The following CADM1 variants were observed in gnomAD, a reference collection of about 807,000 sequenced individuals.
The protein encoded by CADM1 is cell adhesion molecule 1.
Under a neutral mutation model 53.1 loss-of-function variants are expected in CADM1, and 15 were observed. The ratio of observed to expected loss-of-function variants is 0.28; its 90% CI spans 0.19 to 0.44. The LOEUF (loss-of-function observed/expected upper bound fraction) is 0.44. Among genes scored for constraint, CADM1 ranks in the 20% least tolerant of loss-of-function variants. The pLI, the probability that CADM1 is intolerant of heterozygous loss-of-function variation, is 1.00. For synonymous variants in CADM1, 281 were observed against 243.0 expected (o/e 1.16, Z -1.45); for missense variants, 434 against 611.3 (o/e 0.71, Z 3.06).
chr11:115,218,847 G>A (rs893799569), intron 5 of CADM1, among the ~76,000 whole-genome samples: 6 of 152,018 alleles, frequency 3.9e-5, no homozygotes, highest in African/African-American at 1.5e-4. Context: ...GTCAGTGTGG[G>A]GATATGGCTA....
intron 1 of CADM1, among the ~76,000 whole-genome samples, chr11:115,385,240 C>T (rs774416351): frequency 1.3e-5 from 2 of 148,840 alleles, no homozygotes; most frequent in Non-Finnish European, 3.0e-5. Flanking sequence ...TTAGAAACAA[C>T]TGACCCATTA....
chr11:115,406,965 G>A lies in CADM1; in HGVS notation c.124+97306C>T, dbSNP rs867491665. 7.5e-3 allele frequency among the ~76,000 whole-genome samples: 1,121 copies of A among 149,376 alleles called. 11 individuals are homozygous for A. Among genetic ancestry groups the A allele is most frequent in the African/African-American group, 0.026 (1,062 of 40,740 alleles). ...AACTCTGTCTTAAAAAAAAAAAAAA[G>A]AAAAAAAGTGATATATAGTCATAAA... is the stretch of plus-strand genomic sequence containing the variant. On this transcript the variant is annotated intron_variant, in intron 1 of 11. Coordinates refer to ENST00000331581, the MANE Select transcript of CADM1 (RefSeq NM_001301043.2).
At chr11:115,438,555 G>T (rs997162111) in intron 1 of CADM1, among the ~76,000 whole-genome samples, 1 of 151,992 alleles carries the variant, frequency 6.6e-6, no homozygotes, top group African/African-American at 2.4e-5. Context: ...AAAACCATTG[G>T]CCTCTTGTCT....
At chr11:115,178,046 T>C (rs986932154) in intron 11 of CADM1, among the ~76,000 whole-genome samples, 3 of 152,220 alleles carry the variant, frequency 2.0e-5, no homozygotes, top group African/African-American at 4.8e-5. Flanking sequence ...GAAAAGATGA[T>C]TGCCCATCCA....
At chr11:115,431,064 C>T (rs892683730) in intron 1 of CADM1, among the ~76,000 whole-genome samples, 20 of 152,078 alleles carry the variant, frequency 1.3e-4, no homozygotes, top group African/African-American at 4.8e-4. Context: ...ACTTTCACCA[C>T]CTTAATTACA....
chr11:115,186,154 T>A (rs1280352861), intron 10 of CADM1, among the ~76,000 whole-genome samples: 2 of 152,190 alleles, frequency 1.3e-5, no homozygotes. Flanking sequence ...TTCAGTCTAC[T>A]GCCTTGTATG....
chr11:115,418,776 G>C (rs1947678135), intron 1 of CADM1, among the ~76,000 whole-genome samples: 1 of 152,148 alleles, frequency 6.6e-6, no homozygotes, highest in Admixed American at 6.5e-5. Context: ...GAATTGAAGA[G>C]ATTAGGGTTT....
At chr11:115,306,882 T>C (rs1286497978) in intron 1 of CADM1, among the ~76,000 whole-genome samples, 2 of 152,022 alleles carry the variant, frequency 1.3e-5, no homozygotes, top group African/African-American at 2.4e-5. Context: ...TATTCATTAC[T>C]GGGCCTCAGT....
At chr11:115,198,518 AT>A in intron 8 of CADM1, 80 bp from the exon 9 acceptor site, 1 of 1,043,876 alleles carries the variant, frequency 9.6e-7, no homozygotes. Flanking sequence ...TGGAAAAAAA[AT>A]GGAACAGATA....
At chr11:115,429,962 T>G (rs554255616) in intron 1 of CADM1, among the ~76,000 whole-genome samples, 1 of 152,126 alleles carries the variant, frequency 6.6e-6, no homozygotes, top group South Asian at 2.1e-4. Flanking sequence ...GGGATGAAAT[T>G]TATGTATCAG....
chr11:115,245,735 T>C (rs1014847239), intron 1 of CADM1, among the ~76,000 whole-genome samples: 2 of 152,330 alleles, frequency 1.3e-5, no homozygotes, highest in Non-Finnish European at 2.9e-5. Context: ...TCTAACTACG[T>C]ATGTTCCCCC....
At chr11:115,367,958 T>C (rs1946210538) in intron 1 of CADM1, among the ~76,000 whole-genome samples, 1 of 152,020 alleles carries the variant, frequency 6.6e-6, no homozygotes, top group East Asian at 1.9e-4. Context: ...AATGTCTAGG[T>C]ATAGTATTTC....
intron 10 of CADM1, among the ~76,000 whole-genome samples, chr11:115,181,289 CCTTA>C (rs1436704061): frequency 2.6e-5 from 4 of 152,138 alleles, no homozygotes; most frequent in South Asian, 4.1e-4. Context: ...AGCCGAAACT[CCTTA>C]CTTGACCTTT....
At chr11:115,501,449 A>G (rs1949724447) in intron 1 of CADM1, among the ~76,000 whole-genome samples, 1 of 152,140 alleles carries the variant, frequency 6.6e-6, no homozygotes. Flanking sequence ...TGAAAATGAT[A>G]AGAGGGGGGT....
Position 115,238,540 on chromosome 11 carries a change from G to A in CADM1, c.384C>T (p.Thr128=), listed in dbSNP as rs750061229. 1.2e-5 allele frequency: 20 copies of A among 1,613,662 alleles called. No homozygotes were observed. Among genetic ancestry groups the A allele is most frequent in the Admixed American group, 1.2e-4 (7 of 59,968 alleles). ...DEGRYFCQLY[T]DPPQESYTTI... ...TGGTGTAACTTTCCTGTGGGGGATC[G>A]GTATAGAGCTGGCAAAAGTATCTTC... is the stretch of plus-strand genomic sequence containing the variant. The change falls in exon 3 of 12, where the codon ACC becomes ACT. Residue 128 remains threonine (T), a synonymous_variant. Coordinates refer to ENST00000331581, the MANE Select transcript of CADM1 (RefSeq NM_001301043.2).
chr11:115,480,895 A>G (rs1456958237), intron 1 of CADM1, among the ~76,000 whole-genome samples: 1 of 152,066 alleles, frequency 6.6e-6, no homozygotes, highest in Non-Finnish European at 1.5e-5. Context: ...CCACCTCAGA[A>G]GAAAACAATG....
chr11:115,357,464 A>G (rs1166388135), intron 1 of CADM1, among the ~76,000 whole-genome samples: 4 of 152,152 alleles, frequency 2.6e-5, no homozygotes, highest in Non-Finnish European at 5.9e-5. Context: ...AAAAATCTAT[A>G]CAGGCCATAA....
At position 115,178,231 on chromosome 11, in the gene CADM1, G is replaced by A. The variant is rs563415647; in HGVS notation, c.1297+413C>T. On this transcript the variant is annotated intron_variant, in intron 11 of 11. Coordinates refer to ENST00000331581, the MANE Select transcript of CADM1 (RefSeq NM_001301043.2). ...CCAGCTTACACAGAGTCTGGGGACA[G>A]GGGATAGGGGGAAATCCTCTGCCTC... Among the ~76,000 whole-genome samples, 78 of 152,322 alleles carry A rather than the reference G, an allele frequency of 5.1e-4. No homozygotes were observed. In the South Asian group the frequency reaches 0.013, roughly 26 times the overall value.
chr11:115,356,105 A>G (rs894818503), intron 1 of CADM1, among the ~76,000 whole-genome samples: 2 of 152,172 alleles, frequency 1.3e-5, no homozygotes, highest in African/African-American at 4.8e-5. Context: ...TGCTGGGATT[A>G]CAGGCGTAAG....
Sources: gnomAD v4.1 joint callset for allele counts (sites outside exome capture counted in the v4.1 genomes callset) on GRCh38, gnomAD v4.1.1 for gene constraint, MANE v1.5 for transcripts, NCBI Gene and HGNC (gene_info 2026-07-23, HGNC 2026-07-21) for gene names.